CSMD1: variants seen among roughly 807,000 people sequenced by gnomAD.
CSMD1 encodes the protein CUB and Sushi multiple domains 1, also known as CUB and sushi domain-containing protein 1.
Under a neutral mutation model 417.5 loss-of-function variants are expected in CSMD1, and 213 were observed. That is an observed-to-expected ratio of 0.51 (90% CI 0.46 to 0.57). CSMD1 has a LOEUF of 0.57. Among genes scored for constraint, CSMD1 ranks in the 20% least tolerant of loss-of-function variants. CSMD1 has a pLI of 0.00. For synonymous variants in CSMD1, 2,862 were observed against 1,736.8 expected (o/e 1.65, Z -16.11); for missense variants, 6,923 against 4,529.7 (o/e 1.53, Z -15.17).
At chr8:3,896,130 A>T (rs773932974) in intron 5 of CSMD1, among the ~76,000 whole-genome samples, 10 of 152,198 alleles carry the variant, frequency 6.6e-5, no homozygotes, top group Non-Finnish European at 1.3e-4. Context: ...GGCTTGAGTA[A>T]CAAGCCCAAT....
chr8:3,612,502 G>C (rs763069747), intron 8 of CSMD1, among the ~76,000 whole-genome samples: 1 of 152,086 alleles, frequency 6.6e-6, no homozygotes, highest in East Asian at 1.9e-4. Context: ...ACTAAAATAT[G>C]TGTTATTTTC....
intron 5 of CSMD1, among the ~76,000 whole-genome samples, chr8:3,899,704 G>A (rs1465421695): frequency 6.6e-6 from 1 of 152,154 alleles, no homozygotes; most frequent in Non-Finnish European, 1.5e-5. Flanking sequence ...ACAAATAACT[G>A]AGCAACTGTC....
intron 1 of CSMD1, among the ~76,000 whole-genome samples, chr8:4,866,920 G>A (rs956045585): frequency 7.3e-5 from 11 of 151,372 alleles, no homozygotes; most frequent in African/African-American, 2.4e-4. Flanking sequence ...TATTTTAATG[G>A]CAAAAACCAC....
intron 3 of CSMD1, among the ~76,000 whole-genome samples, chr8:4,182,950 T>C (rs146243028): frequency 3.9e-5 from 6 of 152,200 alleles, no homozygotes; most frequent in South Asian, 4.1e-4. Context: ...ATGAAGATAA[T>C]GGCCAATAAA....
At chr8:3,997,754 CT>C (rs1185582190) in intron 5 of CSMD1, 148 bp downstream of exon 5, 2 of 687,156 alleles carry the variant, frequency 2.9e-6, no homozygotes, top group Non-Finnish European at 4.8e-6. Context: ...GTAAAGGTAA[CT>C]TTTCCAGAGC....
At chr8:4,312,740 G>A (rs76725330) in intron 3 of CSMD1, among the ~76,000 whole-genome samples, 17,128 of 151,978 alleles carry the variant, frequency 0.11, 3,004 homozygotes, top group African/African-American at 0.38. Flanking sequence ...CAGGCGTGGT[G>A]GCAGATACCT....
intron 5 of CSMD1, among the ~76,000 whole-genome samples, chr8:3,771,032 G>GTGTA (rs1404812767): frequency 1.3e-5 from 2 of 151,630 alleles, no homozygotes; most frequent in East Asian, 1.9e-4. Flanking sequence ...GTGTGTGTCT[G>GTGTA]CGTGCGTGTG....
chr8:4,166,766 G>C (rs991619295), intron 3 of CSMD1, among the ~76,000 whole-genome samples: 7 of 152,102 alleles, frequency 4.6e-5, no homozygotes, highest in Non-Finnish European at 7.4e-5. Flanking sequence ...CATAAAAAAA[G>C]CAAAATGTAG....
At chr8:3,938,838 A>G (rs11777346) in intron 5 of CSMD1, among the ~76,000 whole-genome samples, 54,875 of 152,018 alleles carry the variant, frequency 0.36, 10,095 homozygotes, top group African/African-American at 0.45. Flanking sequence ...TCTTTATTTT[A>G]GACAAAGTAA....
intron 5 of CSMD1, among the ~76,000 whole-genome samples, chr8:3,776,821 T>TATATATATATATATATATATATAC (rs1798916579): frequency 1.3e-5 from 2 of 151,136 alleles, no homozygotes; most frequent in Non-Finnish European, 2.9e-5. Context: ...TATATATATA[T>TATATATATATATATATATATATAC]ATACAGATGA....
intron 3 of CSMD1, among the ~76,000 whole-genome samples, chr8:4,408,483 CT>C (rs750784767): frequency 2.0e-5 from 3 of 152,158 alleles, no homozygotes; most frequent in African/African-American, 4.8e-5. Context: ...TTTTTAATAG[CT>C]TAATTTTACT....
chr8:3,114,266 CAAAAT>C (rs1007984412), intron 42 of CSMD1, among the ~76,000 whole-genome samples: 1 of 151,780 alleles, frequency 6.6e-6, no homozygotes, highest in African/African-American at 2.4e-5. Context: ...AAAGTGAAAA[CAAAAT>C]AATTTAAATT....
At chr8:4,416,801 G>C (rs1313677736) in intron 3 of CSMD1, among the ~76,000 whole-genome samples, 1 of 151,996 alleles carries the variant, frequency 6.6e-6, no homozygotes, top group Non-Finnish European at 1.5e-5. Flanking sequence ...ACATAGGTCA[G>C]CTTGATGACA....
At chr8:4,355,203 A>G (rs1801350677) in intron 3 of CSMD1, among the ~76,000 whole-genome samples, 1 of 151,962 alleles carries the variant, frequency 6.6e-6, no homozygotes. Flanking sequence ...CGGAGCTTGC[A>G]ATGATCCGAG....
chr8:3,825,112 A>G (rs150630966), intron 5 of CSMD1, among the ~76,000 whole-genome samples: 56 of 152,292 alleles, frequency 3.7e-4, no homozygotes, highest in African/African-American at 1.3e-3. Context: ...ATTTTCGAGG[A>G]AAATGATTTG....
At chr8:3,592,238 G>C (rs1021682547) in intron 8 of CSMD1, among the ~76,000 whole-genome samples, 1 of 152,002 alleles carries the variant, frequency 6.6e-6, no homozygotes, top group African/African-American at 2.4e-5. Context: ...TACATAGATG[G>C]ATAGATAGCT....
chr8:4,957,488 T>C (rs1809196577), intron 1 of CSMD1, among the ~76,000 whole-genome samples: 2 of 152,214 alleles, frequency 1.3e-5, no homozygotes, highest in Non-Finnish European at 2.9e-5. Context: ...GACACACATA[T>C]CAGAGTAGAA....
At chr8:3,740,152 C>A (rs528465500) in intron 6 of CSMD1, among the ~76,000 whole-genome samples, 2 of 152,096 alleles carry the variant, frequency 1.3e-5, no homozygotes, top group African/African-American at 2.4e-5. Flanking sequence ...GTCCTCCAGG[C>A]TGGAGTGCAA....
At chr8:3,947,198 C>T (rs769940792) in intron 5 of CSMD1, among the ~76,000 whole-genome samples, 1 of 152,158 alleles carries the variant, frequency 6.6e-6, no homozygotes, top group Non-Finnish European at 1.5e-5. Flanking sequence ...CAGGAGGTTT[C>T]TCTCAGTTCC....
Sources: gnomAD v4.1 joint callset for allele counts (sites outside exome capture counted in the v4.1 genomes callset) on GRCh38, gnomAD v4.1.1 for gene constraint, MANE v1.5 for transcripts, NCBI Gene and HGNC (gene_info 2026-07-23, HGNC 2026-07-21) for gene names.